Variants in PCDH9 observed in about 807,000 individuals in gnomAD.
PCDH9 encodes protocadherin-9.
PCDH9 carries 24 observed loss-of-function variants against 70.6 expected under a neutral mutation model. The observed-to-expected ratio is 0.34, with a 90% CI of 0.25 to 0.48. PCDH9 has a LOEUF of 0.48. PCDH9 is among the 20% of genes least tolerant of loss of function. PCDH9 has a pLI of 0.99. For synonymous variants in PCDH9, 562 were observed against 558.5 expected (o/e 1.01, Z -0.09); for missense variants, 1,281 against 1,503.6 (o/e 0.85, Z 2.45).
At chr13:66,702,748 A>G (rs2078663448) in intron 3 of PCDH9, among the ~76,000 whole-genome samples, 1 of 152,242 alleles carries the variant, frequency 6.6e-6, no homozygotes, top group Non-Finnish European at 1.5e-5. Context: ...AAAGCTAGAA[A>G]AATATATCAA....
intron 4 of PCDH9, among the ~76,000 whole-genome samples, chr13:66,600,622 A>C (rs1367067683): frequency 6.6e-6 from 1 of 151,646 alleles, no homozygotes; most frequent in African/African-American, 2.4e-5. Context: ...TTATATTGTC[A>C]TATCTGTTTT....
intron 4 of PCDH9, among the ~76,000 whole-genome samples, chr13:66,527,244 C>CT (rs1295046043): frequency 1.3e-5 from 2 of 150,808 alleles, no homozygotes; most frequent in Non-Finnish European, 3.0e-5. Context: ...AGCTGGTCAC[C>CT]TTTTTTTATT....
intron 3 of PCDH9, among the ~76,000 whole-genome samples, chr13:66,851,483 A>C (rs2081313395): frequency 1.3e-5 from 2 of 152,112 alleles, no homozygotes; most frequent in South Asian, 4.1e-4. Context: ...AATTACACAC[A>C]TCTATGAGAA....
chr13:66,685,310 C>G (rs1232466284), intron 3 of PCDH9, among the ~76,000 whole-genome samples: 1 of 152,228 alleles, frequency 6.6e-6, no homozygotes, highest in Non-Finnish European at 1.5e-5. Flanking sequence ...CATATCATTG[C>G]TTCAGAGGGT....
Position 67,228,037 on chromosome 13 carries a change from G to A in PCDH9, c.404C>T (p.Thr135Ile). The change falls in exon 2 of 5, where the codon ACC (threonine) becomes ATC (isoleucine). Residue 135 changes from threonine (T) to isoleucine (I), a missense_variant. Physicochemically the swap from Thr to Ile is moderately conservative, Grantham distance 89. Around this residue, in one of 4 missense-constraint regions of PCDH9, gnomAD observed 798 missense variants for 1,003.1 expected, o/e 0.80. Transcript: ENST00000377865. ...TGGAAACATGGGGGCATTATCATTG[G>A]TATCCTTGACAATTATTTTTATTTT... ...LIKIKIIVKD[T>I]NDNAPMFPSP... 1 of 1,613,836 alleles carries A rather than the reference G, an allele frequency of 6.2e-7. No individual in the cohort carries two copies. The highest frequency in any genetic ancestry group is 8.5e-7 in the Non-Finnish European group (1 of 1,179,880).
chr13:66,635,381 A>G (rs2077624335), intron 3 of PCDH9, among the ~76,000 whole-genome samples: 1 of 152,152 alleles, frequency 6.6e-6, no homozygotes, highest in African/African-American at 2.4e-5. Context: ...TAAGGCTTCC[A>G]CACTTTATTT....
rs149473683 is a variant in PCDH9 at position 66,341,225 on chromosome 13, T to A, written c.3341-36197A>T. ...CTCCCACCTCAGCATCCCCCGTAGC[T>A]GGGACTACAATCACGCATCACCTCA... On this transcript the variant is annotated intron_variant, in intron 4 of 4. Coordinates refer to ENST00000377865, the MANE Select transcript of PCDH9 (RefSeq NM_203487.3). Among the ~76,000 whole-genome samples, 19 of 152,186 alleles carry A rather than the reference T, an allele frequency of 1.2e-4. No individual in the cohort carries two copies. The East Asian group carries it at 3.5e-3, about 28-fold the overall frequency.
chr13:66,381,652 A>AGCAAACAAAGGCGAAG (rs1164244294), intron 4 of PCDH9, among the ~76,000 whole-genome samples: 1 of 152,248 alleles, frequency 6.6e-6, no homozygotes, highest in Non-Finnish European at 1.5e-5. Flanking sequence ...CAGTCAGTAA[A>AGCAAACAAAGGCGAAG]GCAAACAAAG....
Position 66,345,357 on chromosome 13 carries a change from G to C in PCDH9, c.3341-40329C>G, listed in dbSNP as rs561855039. On this transcript the variant is annotated intron_variant, in intron 4 of 4. Coordinates refer to ENST00000377865, the MANE Select transcript of PCDH9 (RefSeq NM_203487.3). ...TTTTACTCCAAAGGGCAACAGCACT[G>C]AGCTATAATGAGGTAATTTTTTTTT... Among the ~76,000 whole-genome samples, 124 of 152,238 alleles carry C rather than the reference G, an allele frequency of 8.1e-4. 1 individual carries two copies. Among genetic ancestry groups the C allele is most frequent in the African/African-American group, 2.8e-3 (117 of 41,554 alleles).
intron 3 of PCDH9, among the ~76,000 whole-genome samples, chr13:66,827,827 G>A (rs114717163): frequency 0.021 from 3,150 of 152,210 alleles, 127 homozygotes; most frequent in African/African-American, 0.07. Flanking sequence ...CCAGGGACAA[G>A]GAGGATGATA....
At chr13:67,167,802 T>G (rs545545537) in intron 2 of PCDH9, among the ~76,000 whole-genome samples, 2 of 152,324 alleles carry the variant, frequency 1.3e-5, no homozygotes, top group East Asian at 1.9e-4. Context: ...TGATCAAACT[T>G]AAAACAGATC....
chr13:66,765,014 CTCTT>C (rs956844219), intron 3 of PCDH9, among the ~76,000 whole-genome samples: 2 of 151,170 alleles, frequency 1.3e-5, no homozygotes, highest in Admixed American at 6.6e-5. Context: ...CTCTCTCTGT[CTCTT>C]TCTCTTTCGC....
chr13:67,177,339 T>C (rs1446943808), intron 2 of PCDH9, among the ~76,000 whole-genome samples: 3 of 152,160 alleles, frequency 2.0e-5, no homozygotes, highest in Non-Finnish European at 4.4e-5. Flanking sequence ...GAAAAAACTC[T>C]TTGTTCCTTC....
Position 67,169,208 on chromosome 13 carries a change from A to G in PCDH9, c.3036+56197T>C, listed in dbSNP as rs150195685. On this transcript the variant is annotated intron_variant, in intron 2 of 4. Coordinates refer to ENST00000377865, the MANE Select transcript of PCDH9 (RefSeq NM_203487.3). The stretch of plus-strand genomic sequence containing the variant: ...CTGATGGCACTTGATATGAAAACCA[A>G]GAGTGCAAATATGAAGCCAGAACTA... Among the ~76,000 whole-genome samples, 938 of 152,350 alleles carry G rather than the reference A, an allele frequency of 6.2e-3. 3 individuals are homozygous for G. Among genetic ancestry groups the G allele is most frequent in the Non-Finnish European group, 6.3e-3 (429 of 68,036 alleles).
At chr13:66,841,124 C>G (rs914147221) in intron 3 of PCDH9, among the ~76,000 whole-genome samples, 6 of 152,108 alleles carry the variant, frequency 3.9e-5, no homozygotes, top group African/African-American at 4.8e-5. Flanking sequence ...GTGATTAAAT[C>G]TAAGCATTTC....
chr13:66,620,075 G>T (rs192493854), intron 4 of PCDH9, among the ~76,000 whole-genome samples: 100 of 151,870 alleles, frequency 6.6e-4, no homozygotes, highest in Non-Finnish European at 1.1e-3. Context: ...TTTTAATTAT[G>T]CAATTTTCCA....
rs567058451 is a variant in PCDH9, at chr13:67,092,578, T to C, written c.3036+132827A>G. 2.0e-5 allele frequency among the ~76,000 whole-genome samples: 3 copies of C among 152,274 alleles called. No individual in the cohort carries two copies. The South Asian group carries it at 6.2e-4, about 32-fold the overall frequency. ...CACTCTCATAACTCTTCCCCTGTAC[T>C]TTATTCCCCCGGACTGAGGAGACAG... On this transcript the variant is annotated intron_variant, in intron 2 of 4. Transcript: ENST00000377865.
At chr13:66,508,248 G>C (rs2138577441) in intron 4 of PCDH9, among the ~76,000 whole-genome samples, 1 of 152,282 alleles carries the variant, frequency 6.6e-6, no homozygotes, top group African/African-American at 2.4e-5. Context: ...TATTTGTGGG[G>C]ATTAGGGGAG....
chr13:66,390,176 C>T (rs776522113), intron 4 of PCDH9, among the ~76,000 whole-genome samples: 1 of 152,108 alleles, frequency 6.6e-6, no homozygotes, highest in Non-Finnish European at 1.5e-5. Context: ...ATATATTTCC[C>T]CAGTGAAATG....
Sources: gnomAD v4.1 joint callset for allele counts (sites outside exome capture counted in the v4.1 genomes callset) on GRCh38, gnomAD v4.1.1 for gene constraint, gnomAD v4.1.1 regional missense constraint, MANE v1.5 for transcripts, NCBI Gene and HGNC (gene_info 2026-07-23, HGNC 2026-07-21) for gene names.